The following DDX17 variants were observed in gnomAD, a reference collection of about 807,000 sequenced individuals.
The protein encoded by DDX17 is DEAD-box helicase 17.
In DDX17, 10 loss-of-function variants were observed where a neutral mutation model predicts 80.8. The observed-to-expected ratio is 0.12, with a 90% CI of 0.08 to 0.21. The LOEUF is 0.21. Ranked by LOEUF, DDX17 falls within the 10% of genes least tolerant of loss-of-function variation. The probability of loss-of-function intolerance (pLI) is 1.00; values close to 1 mark genes in which losing one functional copy is unlikely to be tolerated. For synonymous variants in DDX17, 339 were observed against 336.2 expected, an observed-to-expected ratio of 1.01 and a Z score of -0.09; for missense variants, 586 against 957.4, an observed-to-expected ratio of 0.61 and a Z score of 5.12.
At chr22:38,502,485 T>C (rs1446405018) in intron 1 of DDX17, among the ~76,000 whole-genome samples, 1 of 151,746 alleles carries the variant, frequency 6.6e-6, no homozygotes, top group Non-Finnish European at 1.5e-5. Flanking sequence ...TTACCTTCTA[T>C]CTCCTTCTTG....
intron 1 of DDX17, among the ~76,000 whole-genome samples, chr22:38,503,393 A>G (rs535856668): frequency 6.6e-6 from 1 of 152,332 alleles, no homozygotes; most frequent in African/African-American, 2.4e-5. Flanking sequence ...GATTCCTGTT[A>G]AGGCTTTAAA....
At chr22:38,500,407 C>T (rs2089815766) in intron 2 of DDX17, among the ~76,000 whole-genome samples, 1 of 152,080 alleles carries the variant, frequency 6.6e-6, no homozygotes, top group South Asian at 2.1e-4. Context: ...CTTTGGGAGG[C>T]TGAGGCGGGC....
intron 6 of DDX17, among the ~76,000 whole-genome samples, 168 bp from the exon 7 acceptor site, chr22:38,495,214 C>T (rs2089748970): frequency 6.6e-6 from 1 of 150,706 alleles, no homozygotes; most frequent in South Asian, 2.1e-4. Context: ...AGCAGCAGCC[C>T]TGGTGGCTGT....
At chr22:38,491,277 C>T (rs547970063) in intron 11 of DDX17, 3 of 152,302 alleles carry the variant, frequency 2.0e-5, no homozygotes, top group South Asian at 4.1e-4. Flanking sequence ...TCTCACCTTA[C>T]TGGGCAAATT....
chr22:38,500,817 C>CAAAAAAAAAAAAAAAAAAA (rs138453), intron 2 of DDX17, among the ~76,000 whole-genome samples: 12 of 54,188 alleles, frequency 2.2e-4, no homozygotes, highest in African/African-American at 9.0e-4. Context: ...AACTCCGTCT[C>CAAAAAAAAAAAAAAAAAAA]AAAAAAAAAA....
intron 11 of DDX17, chr22:38,488,389 G>A: frequency 2.3e-6 from 3 of 1,320,882 alleles, no homozygotes; most frequent in East Asian, 3.3e-5. Flanking sequence ...TCCTGCCTCT[G>A]CTACATTTTA....
rs562392727 is a variant in DDX17 at position 38,489,232 on chromosome 22, G to A, written c.1448-1117C>T. The A allele has an allele frequency of 1.0e-6, 1 of 985,752 alleles. No homozygotes were observed. The highest frequency in any genetic ancestry group is 1.7e-5 in the African/African-American group (1 of 57,312). 61.1% of individuals were successfully genotyped at this position (985,752 alleles called of 1,614,324 possible). The stretch of plus-strand genomic sequence containing the variant: ...ATTCTCTGTTTGTTACCAGACCGAT[G>A]CACACTCCCTCCTCCTTTGGGAAAC... On this transcript the variant is annotated intron_variant, in intron 11 of 12. Coordinates refer to ENST00000403230, the MANE Select transcript of DDX17 (RefSeq NM_006386.5). This position sits in a 1 kb window ranked among gnomAD's most constrained non-coding sequence, Gnocchi z 4.6.
At chr22:38,493,559 A>T (rs1366236876) in intron 10 of DDX17, 151 bp downstream of exon 10, 3 of 648,008 alleles carry the variant, frequency 4.6e-6, no homozygotes, top group Non-Finnish European at 8.3e-6. Context: ...CTGAGTGGCT[A>T]TAACAGAGAC....
At chr22:38,502,541 G>A (rs2089841193) in intron 1 of DDX17, among the ~76,000 whole-genome samples, 6 of 138,872 alleles carry the variant, frequency 4.3e-5, no homozygotes. Flanking sequence ...ACACTAACAA[G>A]ACTTATTTAA....
rs1212108043 is a variant in DDX17 at position 38,485,069 on chromosome 22, G to A, written c.*866C>T. 8 of 152,080 alleles carry A rather than the reference G, an allele frequency of 5.3e-5. No homozygotes were observed. Among genetic ancestry groups the A allele is most frequent in the Admixed American group, 6.5e-5 (1 of 15,270 alleles). The allele number at this position is 152,080 out of a possible 1,614,324, so 9.4% of individuals were successfully genotyped here. A position where few individuals can be genotyped will look rare whatever the true frequency, so the allele number is the denominator to read the frequency against. On this transcript the variant is annotated 3_prime_UTR_variant, in exon 13 of 13. Transcript: ENST00000403230. ...AAAAACTGGTTAGTAAATTTCCAGC[G>A]AGCATTTATGTTCATTTGCTCACAG...
At chr22:38,499,667 T>C (rs967815494) in intron 2 of DDX17, among the ~76,000 whole-genome samples, 168 bp from the exon 3 acceptor site, 1 of 152,230 alleles carries the variant, frequency 6.6e-6, no homozygotes, top group Non-Finnish European at 1.5e-5. Flanking sequence ...GGCTCCTACT[T>C]ACTTTGTAAG....
chr22:38,495,508 G>A (rs2089753942), intron 6 of DDX17, among the ~76,000 whole-genome samples: 2 of 152,148 alleles, frequency 1.3e-5, no homozygotes, highest in African/African-American at 4.8e-5. Flanking sequence ...GCCTCCCAAA[G>A]TGCTGGGATT....
At chr22:38,493,964 T>G in intron 9 of DDX17, 57 bp downstream of exon 9, 1 of 1,431,732 alleles carries the variant, frequency 7.0e-7, no homozygotes, top group Non-Finnish European at 9.7e-7. Flanking sequence ...AATACCAATT[T>G]AGAAATTTCC....
intron 11 of DDX17, 199 bp downstream of exon 11, chr22:38,491,857 G>C: frequency 2.2e-6 from 1 of 457,296 alleles, no homozygotes. Context: ...ATAAAAGGGG[G>C]GTGGGGGAAA....
rs138089909 is a variant in DDX17, at chr22:38,487,784, T to TACA, written c.1684+92_1684+94dup. 1.2e-3 allele frequency: 1,492 copies of TACA among 1,287,390 alleles called. 22 individuals carry two copies. In the African/African-American group the frequency reaches 0.02, roughly 17 times the overall value. 79.7% of individuals were successfully genotyped at this position (1,287,390 alleles called of 1,614,324 possible). A position where few individuals can be genotyped will look rare whatever the true frequency, so the allele number is the denominator to read the frequency against. Reference sequence around the variant, plus strand: ...GTCCTTTGCTATTAAGCAACATACTTACAGCCTTCTTAAAAACAGCAACTA... The same window carrying TACA: ...GTCCTTTGCTATTAAGCAACATACTTACAACAGCCTTCTTAAAAACAGCAACTA... On this transcript the variant is annotated intron_variant, in intron 12 of 12. Transcript: ENST00000403230.
intron 12 of DDX17, 71 bp from the exon 13 acceptor site, chr22:38,486,511 C>T (rs2145683785): frequency 6.8e-7 from 1 of 1,465,744 alleles, no homozygotes; most frequent in Non-Finnish European, 9.0e-7. Context: ...AAAAATTCTA[C>T]TGGGTACAAA....
At chr22:38,497,409 G>A (rs906857493) in intron 5 of DDX17, among the ~76,000 whole-genome samples, 1 of 150,980 alleles carries the variant, frequency 6.6e-6, no homozygotes, top group Admixed American at 6.6e-5. Flanking sequence ...CCTGAGGTCA[G>A]GAGTTCCAGA....
At chr22:38,487,331 A>G (rs540433232) in intron 12 of DDX17, among the ~76,000 whole-genome samples, 47 of 148,734 alleles carry the variant, frequency 3.2e-4, no homozygotes, top group African/African-American at 9.3e-4. Context: ...TCCACAGACC[A>G]GCCTCAGCTA....
At position 38,483,679 on chromosome 22, in the gene DDX17, C is replaced by T. The variant is rs911202707; in HGVS notation, c.*2256G>A. 1.3e-5 allele frequency: 2 copies of T among 152,592 alleles called. No homozygotes were observed. The highest frequency in any genetic ancestry group is 4.8e-5 in the African/African-American group (2 of 41,456). 9.5% of individuals were successfully genotyped at this position (152,592 alleles called of 1,614,324 possible). ...TAACCTTTTAGATGAGAAGTCCACA[C>T]AACGAATTGTTAGGGAGGATTGGGG... On this transcript the variant is annotated 3_prime_UTR_variant, in exon 13 of 13. Transcript: ENST00000403230.
Sources: allele counts gnomAD v4.1 joint callset (sites outside exome capture counted in the v4.1 genomes callset), GRCh38; gene constraint gnomAD v4.1.1; non-coding constraint Gnocchi (gnomAD v3.1); transcripts MANE v1.5; gene names NCBI Gene and HGNC (gene_info 2026-07-23, HGNC 2026-07-21).